Variants in EFHC2 observed in about 807,000 individuals in gnomAD.
EFHC2 encodes EF-hand domain-containing family member C2.
Under a neutral mutation model 52.7 loss-of-function variants are expected in EFHC2, and 18 were observed. The ratio of observed to expected loss-of-function variants is 0.34; its 90% CI spans 0.24 to 0.51. EFHC2 has a LOEUF of 0.51. Among genes scored for constraint, EFHC2 ranks in the 20% least tolerant of loss-of-function variants. The pLI is 0.97. For missense variants in EFHC2, 513 were observed against 562.5 expected (o/e 0.91, Z 0.89); for synonymous variants, 203 against 204.1 (o/e 0.99, Z 0.04).
intron 3 of EFHC2, among the ~76,000 whole-genome samples, chrX:44,264,630 G>A (rs1382044922): frequency 8.9e-6 from 1 of 112,556 alleles, no homozygotes; most frequent in Non-Finnish European, 1.9e-5. Context: ...AAAATCTAAC[G>A]TCACAATTCC....
chrX:44,308,101 T>G (rs922402791), intron 2 of EFHC2, among the ~76,000 whole-genome samples: 7 of 111,646 alleles, frequency 6.3e-5, no homozygotes, highest in Non-Finnish European at 1.3e-4. Context: ...GAACTACAGG[T>G]AAAATCTAAA....
intron 11 of EFHC2, among the ~76,000 whole-genome samples, chrX:44,191,143 C>T (rs2036916448): frequency 8.9e-6 from 1 of 112,152 alleles, no homozygotes; most frequent in South Asian, 3.7e-4. Flanking sequence ...AATGTTCGCT[C>T]TGCAAACATT....
chrX:44,294,873 G>A (rs1461999465), intron 2 of EFHC2, among the ~76,000 whole-genome samples: 1 of 112,168 alleles, frequency 8.9e-6, no homozygotes, highest in Non-Finnish European at 1.9e-5. Flanking sequence ...TGTGTCAGGC[G>A]TTGTGCTAAG....
chrX:44,337,733 G>T (rs1411350291), intron 1 of EFHC2, among the ~76,000 whole-genome samples: 1 of 112,121 alleles, frequency 8.9e-6, no homozygotes. Flanking sequence ...TATGGCAGGT[G>T]TGTGTTTAAC....
At chrX:44,260,203 T>A (rs1283423779) in intron 4 of EFHC2, among the ~76,000 whole-genome samples, 1 of 111,119 alleles carries the variant, frequency 9.0e-6, no homozygotes, top group Admixed American at 9.6e-5. Context: ...GGGGGTAGGT[T>A]ATAGGGGTAC....
chrX:44,202,422 C>A (rs968376196), intron 11 of EFHC2, among the ~76,000 whole-genome samples: 160 of 111,683 alleles, frequency 1.4e-3, no homozygotes, highest in African/African-American at 5.0e-3. Flanking sequence ...AAACAAAAAA[C>A]AAACAAACAA....
intron 2 of EFHC2, among the ~76,000 whole-genome samples, chrX:44,292,538 A>G (rs918569681): frequency 8.9e-6 from 1 of 112,199 alleles, no homozygotes; most frequent in Non-Finnish European, 1.9e-5. Context: ...GTTATTTGGC[A>G]TAATCATCAT....
chrX:44,185,477 C>G (rs1242542193), intron 11 of EFHC2, among the ~76,000 whole-genome samples: 3 of 111,223 alleles, frequency 2.7e-5, no homozygotes, highest in African/African-American at 9.8e-5. Flanking sequence ...GCTTTAAATT[C>G]CTCTAATTTC....
Position 44,297,707 on chromosome X carries a change from C to T in EFHC2, c.231+14861G>A, listed in dbSNP as rs1324403049. ...TTGCACCACTGCACTCCAGCCTGGG[C>T]GACAGAGCGAGACTCCATCTCAAAA... is the stretch of plus-strand genomic sequence containing the variant. On this transcript the variant is annotated intron_variant, in intron 2 of 14. Transcript: ENST00000420999. Among the ~76,000 whole-genome samples, 4 of 93,721 alleles carry T rather than the reference C, an allele frequency of 4.3e-5. No individual in the cohort carries two copies. The South Asian group carries it at 2.3e-3, about 53-fold the overall frequency. 81.4% of individuals were successfully genotyped at this position (93,721 alleles called of 115,157 possible). A position where few individuals can be genotyped will look rare whatever the true frequency, so the allele number is the denominator to read the frequency against.
At chrX:44,209,690 G>A (rs965213613) in intron 11 of EFHC2, among the ~76,000 whole-genome samples, 1 of 108,723 alleles carries the variant, frequency 9.2e-6, no homozygotes, top group African/African-American at 3.4e-5. Context: ...GTACCAGTCC[G>A]TGGCCTGTTA....
At chrX:44,280,694 G>A (rs888467023) in intron 2 of EFHC2, among the ~76,000 whole-genome samples, 4 of 111,629 alleles carry the variant, frequency 3.6e-5, no homozygotes, top group African/African-American at 1.3e-4. Flanking sequence ...GCAATAACCA[G>A]CTAGACCATA....
intron 3 of EFHC2, among the ~76,000 whole-genome samples, chrX:44,269,437 T>C (rs1484751125): frequency 9.1e-6 from 1 of 110,465 alleles, no homozygotes; most frequent in Non-Finnish European, 1.9e-5. Context: ...TGATCCCCAG[T>C]GTTGGAGATG....
In EFHC2 at chrX:44,272,768, T is replaced by C. The variant is rs746886989; in HGVS notation, c.300A>G (p.Arg100=). 5.1e-6 allele frequency: 6 copies of C among 1,166,740 alleles called. No homozygotes were observed. In the African/African-American group the frequency reaches 7.1e-5, roughly 14 times the overall value. The change falls in exon 3 of 15, where the codon AGA becomes AGG. Residue 100 remains arginine (R), a synonymous_variant. Transcript: ENST00000420999. The stretch of plus-strand genomic sequence containing the variant: ...CAGGGTAGAAGTAGATTTTATAGTA[T>C]CTTATTCTGTAGTTGGTTTGGCTTT... ...LDKSQTNYRI[R]YYKIYFYPED... is the part of the protein sequence containing the mutation.
chrX:44,248,813 T>A lies in EFHC2; in HGVS notation c.962A>T (p.Asp321Val), dbSNP rs1386851473. 1 of 1,204,492 alleles carries A rather than the reference T, an allele frequency of 8.3e-7. No individual in the cohort carries two copies. The highest frequency in any genetic ancestry group is 1.1e-6 in the Non-Finnish European group (1 of 890,915). ...IKNQADGYLF[D>V]RYKLGKVDQE... The stretch of plus-strand genomic sequence containing the variant: ...TATGAGGTTCCTTCCCTTATATCTA[T>A]CGAACAGGTAGCCATCCGCTTGGTT... Residue 321 changes from aspartate to valine, a missense_variant, in exon 6 of 15, where the codon GAT (aspartate) becomes GTT (valine). Coordinates refer to ENST00000420999, the MANE Select transcript of EFHC2 (RefSeq NM_025184.4).
intron 3 of EFHC2, among the ~76,000 whole-genome samples, chrX:44,269,408 C>T (rs2037600991): frequency 9.1e-6 from 1 of 110,384 alleles, no homozygotes; most frequent in African/African-American, 3.3e-5. Context: ...TTGTCCCCTC[C>T]AAATCTCATG....
chrX:44,228,639 T>C (rs965458664), intron 11 of EFHC2, among the ~76,000 whole-genome samples: 1 of 112,119 alleles, frequency 8.9e-6, no homozygotes, highest in East Asian at 2.8e-4. Flanking sequence ...AAAGAACATT[T>C]TGGAGACACA....
At chrX:44,271,655 A>G (rs1030778097) in intron 3 of EFHC2, among the ~76,000 whole-genome samples, 2 of 110,347 alleles carry the variant, frequency 1.8e-5, no homozygotes, top group African/African-American at 6.6e-5. Flanking sequence ...AGGGCCATCT[A>G]TCTACACGAG....
chrX:44,148,765 A>C lies in EFHC2; in HGVS notation c.*30T>G, dbSNP rs73481049. 2.5e-3 allele frequency: 2,775 copies of C among 1,097,941 alleles called. 44 individuals are homozygous for C. In the African/African-American group the frequency reaches 0.046, roughly 18 times the overall value. 90.5% of individuals were successfully genotyped at this position (1,097,941 alleles called of 1,213,427 possible). On this transcript the variant is annotated 3_prime_UTR_variant, in exon 15 of 15. Coordinates refer to ENST00000420999, the MANE Select transcript of EFHC2 (RefSeq NM_025184.4). ...AAATGTGGCAAAATGAGAGAAGTAA[A>C]TCATAGAGAATTGACCAAAACTGGC...
At chrX:44,187,291 A>T (rs1004808602) in intron 11 of EFHC2, among the ~76,000 whole-genome samples, 11 of 107,805 alleles carry the variant, frequency 1.0e-4, no homozygotes, top group Non-Finnish European at 2.1e-4. Flanking sequence ...ATCCTGGTAC[A>T]CTCCTCTGCA....
Sources: gnomAD v4.1 joint callset for allele counts (sites outside exome capture counted in the v4.1 genomes callset) on GRCh38, gnomAD v4.1.1 for gene constraint, MANE v1.5 for transcripts, NCBI Gene and HGNC (gene_info 2026-07-23, HGNC 2026-07-21) for gene names.